The following CWF19L2 variants were observed in gnomAD, a reference collection of about 807,000 sequenced individuals.
CWF19L2 encodes the protein CWF19-like protein 2.
In CWF19L2, 98 loss-of-function variants were observed where a neutral mutation model predicts 111.7. That is an observed-to-expected ratio of 0.88 (90% CI 0.75 to 1.04). The LOEUF (loss-of-function observed/expected upper bound fraction) is 1.04. CWF19L2 is among the 50% of genes least tolerant of loss of function. CWF19L2 has a pLI of 0.00. For missense variants in CWF19L2, 1,101 were observed against 1,051.4 expected, an observed-to-expected ratio of 1.05 and a Z score of -0.65; for synonymous variants, 351 against 342.9, an observed-to-expected ratio of 1.02 and a Z score of -0.26.
intron 8 of CWF19L2, among the ~76,000 whole-genome samples, chr11:107,424,010 A>C (rs1366115095): frequency 6.6e-6 from 1 of 151,868 alleles, no homozygotes; most frequent in East Asian, 1.9e-4. Context: ...GAAGAACTAG[A>C]AGTTGTTTCT....
chr11:107,457,821 A>G lies in CWF19L2; in HGVS notation c.-5T>C, dbSNP rs1244094542. On this transcript the variant is annotated 5_prime_UTR_variant, in exon 1 of 18. Coordinates refer to ENST00000282251, the MANE Select transcript of CWF19L2 (RefSeq NM_152434.3). Reference sequence around the variant, plus strand: ...AGCCGCCATACTTGTTGCCATCGTAAAGCTAAGAAGCCGCAAGAAAATTCT... The same window carrying G: ...AGCCGCCATACTTGTTGCCATCGTAGAGCTAAGAAGCCGCAAGAAAATTCT... 1.3e-6 allele frequency: 2 copies of G among 1,549,796 alleles called. No individual in the cohort carries two copies. The highest frequency in any genetic ancestry group is 2.4e-5 in the South Asian group (2 of 84,028).
intron 14 of CWF19L2, among the ~76,000 whole-genome samples, chr11:107,342,188 TCTCGGCACTCCCTTAGCTGTCC>T (rs1157548440): frequency 2.6e-5 from 4 of 152,050 alleles, no homozygotes; most frequent in African/African-American, 9.7e-5. Flanking sequence ...TAAATTTCTC[TCTCGGCACTCCCTTAGCTGTCC>T]CTCATAAATC....
intron 10 of CWF19L2, among the ~76,000 whole-genome samples, chr11:107,405,930 C>T (rs2135389092): frequency 6.6e-6 from 1 of 151,200 alleles, no homozygotes; most frequent in East Asian, 1.9e-4. Flanking sequence ...ACTATTTGGC[C>T]TAACAGTATC....
chr11:107,390,250 G>A lies in CWF19L2; in HGVS notation c.1735-39C>T, dbSNP rs368799617. ...AACATTATTAATTTAATGAAAACAT[G>A]AGTCTCTGAAGTATTTCTTGATGGA... On this transcript the variant is annotated intron_variant, in intron 11 of 17. Transcript: ENST00000282251. The A allele has an allele frequency of 8.0e-6, 12 of 1,500,378 alleles. No homozygotes were observed. In the African/African-American group the frequency reaches 1.1e-4, roughly 14 times the overall value. 92.9% of individuals were successfully genotyped at this position (1,500,378 alleles called of 1,614,324 possible). A position where few individuals can be genotyped will look rare whatever the true frequency, so the allele number is the denominator to read the frequency against.
Position 107,442,882 on chromosome 11 carries a change from G to GAGGGAGGAAGGAAGGA in CWF19L2, c.450+56_450+57insTCCTTCCTTCCTCCCT, listed in dbSNP as rs1555029242. 5.7e-6 allele frequency: 4 copies of GAGGGAGGAAGGAAGGA among 707,212 alleles called. No homozygotes were observed. In the African/African-American group the frequency reaches 6.9e-5, roughly 12 times the overall value. 43.8% of individuals were successfully genotyped at this position (707,212 alleles called of 1,614,324 possible). On this transcript the variant is annotated intron_variant, in intron 4 of 17. Transcript: ENST00000282251. ...ATAGAGAGGGAAGGAGGGAGGGAGG[G>GAGGGAGGAAGGAAGGA]AGGAAGGAAGGAAGGAAGGAAGAAA...
chr11:107,336,734 G>C, intron 14 of CWF19L2, 21 bp from the exon 15 acceptor site: 1 of 1,253,422 alleles, frequency 8.0e-7, no homozygotes, highest in Non-Finnish European at 1.1e-6. Flanking sequence ...AAAAGAACTA[G>C]GTAAAGAAAA....
chr11:107,348,735 G>T, intron 14 of CWF19L2: 1 of 315,248 alleles, frequency 3.2e-6, no homozygotes. Flanking sequence ...GTAGATAAAA[G>T]GTCTCAAAAT....
Position 107,433,614 on chromosome 11 carries a change from T to G in CWF19L2, c.780+20A>C. ...CCTAATTCTGAAAATAAGAGGCATCTCCTTAAAACAGATACTCACCCCATA... is the reference window on the plus strand; with the variant it reads ...CCTAATTCTGAAAATAAGAGGCATCGCCTTAAAACAGATACTCACCCCATA... On this transcript the variant is annotated intron_variant, in intron 7 of 17. Transcript: ENST00000282251. 3.4e-6 allele frequency: 4 copies of G among 1,178,820 alleles called. No individual in the cohort carries two copies. Among genetic ancestry groups the G allele is most frequent in the Non-Finnish European group, 3.5e-6 (3 of 853,998 alleles). The allele number at this position is 1,178,820 out of a possible 1,614,324, so 73.0% of individuals were successfully genotyped here.
intron 6 of CWF19L2, among the ~76,000 whole-genome samples, chr11:107,436,153 C>G (rs1223593032): frequency 6.8e-6 from 1 of 146,484 alleles, no homozygotes; most frequent in Admixed American, 6.8e-5. Context: ...ACTCCACACG[C>G]CCCCCGACCC....
chr11:107,442,419 C>T (rs893379732), intron 4 of CWF19L2, among the ~76,000 whole-genome samples: 5 of 151,912 alleles, frequency 3.3e-5, no homozygotes, highest in South Asian at 2.1e-4. Flanking sequence ...CAGTGGCTCA[C>T]GTCTCTAATT....
chr11:107,416,120 AAAAATAAAATAAAAT>A (rs975297091), intron 10 of CWF19L2, 74 bp downstream of exon 10: 4 of 340,672 alleles, frequency 1.2e-5, no homozygotes, highest in African/African-American at 2.2e-5. Context: ...AAATAAAATA[AAAAATAAAATAAAAT>A]AAAATAAAAT....
rs1208619694 is a variant in CWF19L2 at position 107,373,776 on chromosome 11, CTT to C, written c.1872+16296_1872+16297del. 3.7e-5 allele frequency among the ~76,000 whole-genome samples: 5 copies of C among 133,870 alleles called. No individual in the cohort carries two copies. In the East Asian group the frequency reaches 1.1e-3, roughly 29 times the overall value. The allele number at this position is 133,870 out of a possible 152,430, so 87.8% of individuals were successfully genotyped here. On this transcript the variant is annotated intron_variant, in intron 12 of 17. Coordinates refer to ENST00000282251, the MANE Select transcript of CWF19L2 (RefSeq NM_152434.3). Reference sequence around the variant, plus strand: ...CGGAACAAAGCTGGATGGAGAATGACTTTGACGAGCTGAGAGAAGAAGGCTTC... The same window carrying C: ...CGGAACAAAGCTGGATGGAGAATGACTGACGAGCTGAGAGAAGAAGGCTTC...
chr11:107,383,663 A>C (rs1860725529), intron 12 of CWF19L2, among the ~76,000 whole-genome samples: 1 of 152,208 alleles, frequency 6.6e-6, no homozygotes, highest in African/African-American at 2.4e-5. Context: ...TCTATTAAAG[A>C]TTTAATGGTA....
At chr11:107,407,958 A>C (rs1043093102) in intron 10 of CWF19L2, among the ~76,000 whole-genome samples, 2 of 151,992 alleles carry the variant, frequency 1.3e-5, no homozygotes, top group Non-Finnish European at 2.9e-5. Context: ...CCCAGCTAGG[A>C]TAATACCATG....
At chr11:107,403,091 TG>T (rs1327331454) in intron 10 of CWF19L2, among the ~76,000 whole-genome samples, 1 of 151,314 alleles carries the variant, frequency 6.6e-6, no homozygotes, top group East Asian at 1.9e-4. Flanking sequence ...CAATGCACTT[TG>T]GGGACTTTAG....
chr11:107,445,782 C>A (rs2135425169), intron 3 of CWF19L2, among the ~76,000 whole-genome samples: 1 of 152,262 alleles, frequency 6.6e-6, no homozygotes, highest in African/African-American at 2.4e-5. Flanking sequence ...CCGTACTTCT[C>A]TTCTAGGGCT....
Position 107,428,807 on chromosome 11 carries a change from T to G in CWF19L2, c.1425A>C (p.Thr475=). 6.2e-7 allele frequency: 1 copy of G among 1,602,536 alleles called. No homozygotes were observed. Among genetic ancestry groups the G allele is most frequent in the Non-Finnish European group, 8.5e-7 (1 of 1,176,050 alleles). ...KKEHLRDTKS[T]FAGSPERESI... ...AAAAAATGATAAAATACCCAGCAAATGTAGACTTTGTATCCCGTAGATGTT... is the reference window on the plus strand; with the variant it reads ...AAAAAATGATAAAATACCCAGCAAAGGTAGACTTTGTATCCCGTAGATGTT... The change falls in exon 8 of 18, where the codon ACA becomes ACC. Residue 475 remains threonine, a synonymous_variant. Coordinates refer to ENST00000282251, the MANE Select transcript of CWF19L2 (RefSeq NM_152434.3).
chr11:107,403,369 C>T, intron 10 of CWF19L2: 1 of 598,392 alleles, frequency 1.7e-6, no homozygotes, highest in Middle Eastern at 2.9e-4. Context: ...ATTTAAAAAA[C>T]TATTTAGAAC....
chr11:107,432,021 G>A (rs935579479), intron 7 of CWF19L2, among the ~76,000 whole-genome samples: 7 of 152,040 alleles, frequency 4.6e-5, no homozygotes, highest in Non-Finnish European at 1.0e-4. Context: ...ATATTTTTAC[G>A]ATTGTGGGGT....
Sources: gnomAD v4.1 joint callset for allele counts (sites outside exome capture counted in the v4.1 genomes callset) on GRCh38, gnomAD v4.1.1 for gene constraint, MANE v1.5 for transcripts, NCBI Gene and HGNC (gene_info 2026-07-23, HGNC 2026-07-21) for gene names.